CCNJL: variants seen among roughly 807,000 people sequenced by gnomAD.
The protein encoded by CCNJL is cyclin-J-like protein.
Under a neutral mutation model 33.4 loss-of-function variants are expected in CCNJL, and 33 were observed. The observed-to-expected ratio is 0.99, with a 90% CI of 0.75 to 1.32. The LOEUF (loss-of-function observed/expected upper bound fraction) is 1.32. CCNJL is among the 40% of genes most tolerant of loss of function. The probability of loss-of-function intolerance (pLI) is 0.00; values close to 1 mark genes in which losing one functional copy is unlikely to be tolerated. For synonymous variants in CCNJL, 227 were observed against 220.9 expected, an observed-to-expected ratio of 1.03 and a Z score of -0.24; for missense variants, 512 against 499.7, an observed-to-expected ratio of 1.02 and a Z score of -0.23.
intron 1 of CCNJL, among the ~76,000 whole-genome samples, chr5:160,319,996 G>T (rs1763421079): frequency 6.6e-6 from 1 of 152,176 alleles, no homozygotes; most frequent in African/African-American, 2.4e-5. Flanking sequence ...GGGGACCTAT[G>T]GGAATCACCT....
At chr5:160,333,108 T>C (rs948472757) in intron 1 of CCNJL, among the ~76,000 whole-genome samples, 7 of 151,776 alleles carry the variant, frequency 4.6e-5, no homozygotes, top group Non-Finnish European at 8.8e-5. Context: ...AACATATGAC[T>C]ACCCAGTCTC....
At chr5:160,273,428 G>T (rs1206240722) in intron 3 of CCNJL, among the ~76,000 whole-genome samples, 2 of 152,118 alleles carry the variant, frequency 1.3e-5, no homozygotes, top group South Asian at 4.1e-4. Flanking sequence ...TATTCTTGGA[G>T]ACTTGTTGAC....
intron 1 of CCNJL, among the ~76,000 whole-genome samples, chr5:160,324,656 A>G (rs1180486183): frequency 7.8e-6 from 1 of 128,362 alleles, no homozygotes; most frequent in Non-Finnish European, 1.7e-5. Context: ...ATAAATATAT[A>G]TTTAGAATCA....
At chr5:160,293,534 A>C (rs940372567) in intron 2 of CCNJL, among the ~76,000 whole-genome samples, 1 of 152,218 alleles carries the variant, frequency 6.6e-6, no homozygotes, top group African/African-American at 2.4e-5. Context: ...TTCCATCAGC[A>C]CGTAAATACT....
At chr5:160,315,834 G>A (rs1180038045), upstream of CCNJL, among the ~76,000 whole-genome samples, 2 of 152,144 alleles carry the variant, frequency 1.3e-5, no homozygotes, top group Admixed American at 1.3e-4. Context: ...GAACAGCATT[G>A]TTGTTTTGTT....
chr5:160,337,367 C>T (rs1230997766), intron 1 of CCNJL, among the ~76,000 whole-genome samples: 1 of 152,060 alleles, frequency 6.6e-6, no homozygotes, highest in African/African-American at 2.4e-5. Flanking sequence ...TGTCATTGCC[C>T]CTCACAGTCT....
At chr5:160,335,229 C>A (rs1763667732) in intron 1 of CCNJL, among the ~76,000 whole-genome samples, 1 of 152,186 alleles carries the variant, frequency 6.6e-6, no homozygotes, top group South Asian at 2.1e-4. Flanking sequence ...TGCCACTGTA[C>A]TCCAGCCTGG....
rs1760923131 is a variant in CCNJL at position 160,253,759 on chromosome 5, C to T, written c.783G>A (p.Lys261=). 7 of 1,537,964 alleles carry T rather than the reference C, an allele frequency of 4.6e-6. No homozygotes were observed. In the East Asian group the frequency reaches 1.1e-4, roughly 25 times the overall value. ...DNVLKDAVAV[K]SQALAMVPGT... is the part of the protein sequence containing the mutation. The stretch of plus-strand genomic sequence containing the variant: ...CGGGCACCATTGCCAAGGCCTGGCT[C>T]TTGACGGCTACGGCATCCTTGAGGA... The change falls in exon 6 of 6, where the codon AAG becomes AAA. Residue 261 remains lysine (K), a synonymous_variant. Transcript: ENST00000257536.
At chr5:160,306,818 C>G (rs1275724951) in intron 2 of CCNJL, among the ~76,000 whole-genome samples, 1 of 152,218 alleles carries the variant, frequency 6.6e-6, no homozygotes, top group African/African-American at 2.4e-5. Context: ...GAGGAATTAT[C>G]TACATTTCTG....
intron 3 of CCNJL, among the ~76,000 whole-genome samples, chr5:160,268,058 TA>T (rs893689105): frequency 5.3e-5 from 8 of 152,194 alleles, no homozygotes; most frequent in Non-Finnish European, 8.8e-5. Flanking sequence ...TGACTTTTTT[TA>T]AAAAACAGAA....
chr5:160,282,976 T>TATATATATAC (rs1762270727), intron 2 of CCNJL, among the ~76,000 whole-genome samples: 2 of 49,822 alleles, frequency 4.0e-5, no homozygotes, highest in Admixed American at 2.1e-4. Flanking sequence ...AATATATATA[T>TATATATATAC]ATATATATAT....
At chr5:160,278,890 A>T (rs927768977) in intron 3 of CCNJL, among the ~76,000 whole-genome samples, 5 of 152,186 alleles carry the variant, frequency 3.3e-5, no homozygotes, top group Non-Finnish European at 7.4e-5. Context: ...CCGCAGACGA[A>T]AGGGGGCTGC....
intron 3 of CCNJL, among the ~76,000 whole-genome samples, chr5:160,264,343 G>A (rs1761482927): frequency 1.3e-5 from 2 of 152,178 alleles, no homozygotes; most frequent in South Asian, 4.2e-4. Context: ...GGTGGTGCCT[G>A]TAAGTGATGC....
rs1203280159 is a variant in CCNJL at position 160,282,983 on chromosome 5, A to ATG, written c.67-2246_67-2245insCA. Among the ~76,000 whole-genome samples the ATG allele has an allele frequency of 3.2e-3, 174 of 54,306 alleles. 1 individual carries two copies. The highest frequency in any genetic ancestry group is 0.014 in the African/African-American group (167 of 11,556). The allele number at this position is 54,306 out of a possible 152,430, so 35.6% of individuals were successfully genotyped here. On this transcript the variant is annotated intron_variant, in intron 2 of 5. Transcript: ENST00000257536. ...GTCCTTGGAATATATATATATATAT[A>ATG]TATATATATATATATATATATATAT...
intron 3 of CCNJL, among the ~76,000 whole-genome samples, chr5:160,275,260 ATTT>A (rs1167627701): frequency 6.6e-6 from 1 of 151,510 alleles, no homozygotes; most frequent in African/African-American, 2.4e-5. Flanking sequence ...AATTTTTGGA[ATTT>A]TTAGTAGAGA....
intron 1 of CCNJL, 101 bp downstream of exon 1, chr5:160,312,263 G>A (rs1211171311): frequency 3.6e-5 from 13 of 360,168 alleles, no homozygotes; most frequent in Non-Finnish European, 6.1e-5. Flanking sequence ...CGAGGCTGGG[G>A]CTCTGGCGGC....
At chr5:160,308,670 A>G (rs1302793608) in intron 2 of CCNJL, among the ~76,000 whole-genome samples, 1 of 152,248 alleles carries the variant, frequency 6.6e-6, no homozygotes, top group Non-Finnish European at 1.5e-5. Flanking sequence ...AGGCAGGAGA[A>G]TGGTGTGAAC....
At position 160,254,209 on chromosome 5, in the gene CCNJL, A is replaced by C. The variant is rs547726245; in HGVS notation, c.744-411T>G. ...GGCACTGGAGTGTTCCTGGGGCCTG[A>C]ATGAGCCCAATCTCTGCTTTCCAGG... On this transcript the variant is annotated intron_variant, in intron 5 of 5. Coordinates refer to ENST00000257536, the MANE Select transcript of CCNJL (RefSeq NM_001308173.3). The C allele has an allele frequency of 7.5e-5, 39 of 521,064 alleles. 2 individuals are homozygous for C. In the South Asian group the frequency reaches 1.1e-3, roughly 15 times the overall value. 32.3% of individuals were successfully genotyped at this position (521,064 alleles called of 1,614,324 possible). A position where few individuals can be genotyped will look rare whatever the true frequency, so the allele number is the denominator to read the frequency against.
At chr5:160,288,220 A>C (rs1762471791) in intron 2 of CCNJL, among the ~76,000 whole-genome samples, 1 of 143,054 alleles carries the variant, frequency 7.0e-6, no homozygotes, top group Non-Finnish European at 1.5e-5. Flanking sequence ...ATGGGCACTG[A>C]GATCTTGCAT....
Sources: allele counts gnomAD v4.1 joint callset (sites outside exome capture counted in the v4.1 genomes callset), GRCh38; gene constraint gnomAD v4.1.1; transcripts MANE v1.5; gene names NCBI Gene and HGNC (gene_info 2026-07-23, HGNC 2026-07-21).